MAP4K5: variants seen among roughly 807,000 people sequenced by gnomAD.
The protein encoded by MAP4K5 is mitogen-activated protein kinase kinase kinase kinase 5.
Under a neutral mutation model 135.6 loss-of-function variants are expected in MAP4K5, and 82 were observed. That is an observed-to-expected ratio of 0.60 (90% confidence interval 0.51 to 0.73). The LOEUF (loss-of-function observed/expected upper bound fraction) is 0.73, where lower values mean the gene tolerates loss of function less well. Among genes scored for constraint, MAP4K5 ranks in the 30% least tolerant of loss-of-function variants. MAP4K5 has a pLI of 0.00. For synonymous variants in MAP4K5, 347 were observed against 335.0 expected (o/e 1.04, Z -0.39); for missense variants, 907 against 1,010.9 (o/e 0.90, Z 1.39).
intron 25 of MAP4K5, 132 bp from the exon 26 acceptor site, chr14:50,437,666 C>T (rs2036127165): frequency 1.5e-6 from 1 of 673,286 alleles, no homozygotes. Context: ...CACACTATCT[C>T]ATCTTATAGG....
chr14:50,533,219 T>C (rs1219405599), upstream of MAP4K5: 1 of 152,208 alleles, frequency 6.6e-6, no homozygotes, highest in East Asian at 1.9e-4. Flanking sequence ...ATCGCTGGTA[T>C]TGCACCTTTA....
At chr14:50,428,274 T>G (rs1391884384) in intron 30 of MAP4K5, among the ~76,000 whole-genome samples, 3 of 152,168 alleles carry the variant, frequency 2.0e-5, no homozygotes, top group African/African-American at 7.2e-5. Flanking sequence ...TTCTATCTTT[T>G]TTTTTTTTCT....
chr14:50,445,241 A>G, intron 17 of MAP4K5, 47 bp from the exon 18 acceptor site: 1 of 1,575,100 alleles, frequency 6.3e-7, no homozygotes, highest in South Asian at 1.1e-5. Context: ...ATCATTAGGC[A>G]TCAGAGTCTT....
At chr14:50,448,564 T>C (rs1185801240) in intron 15 of MAP4K5, among the ~76,000 whole-genome samples, 4 of 151,906 alleles carry the variant, frequency 2.6e-5, no homozygotes, top group Non-Finnish European at 4.4e-5. Flanking sequence ...CTAAGGAGGT[T>C]AAAATGAATG....
intron 15 of MAP4K5, among the ~76,000 whole-genome samples, chr14:50,448,031 G>A (rs1280281182): frequency 1.8e-3 from 4 of 2,220 alleles, no homozygotes; most frequent in Admixed American, 0.013. Flanking sequence ...TTTTTGAAAT[G>A]GAGTCTCACA....
intron 21 of MAP4K5, among the ~76,000 whole-genome samples, chr14:50,440,796 C>T (rs1333707955): frequency 1.3e-5 from 2 of 152,060 alleles, no homozygotes; most frequent in African/African-American, 4.8e-5. Context: ...TTATAAATCA[C>T]GACACACTAG....
Position 50,445,210 on chromosome 14 carries a change from CA to C in MAP4K5, c.1186-17del. 1.2e-6 allele frequency: 2 copies of C among 1,604,418 alleles called. No homozygotes were observed. Among genetic ancestry groups the C allele is most frequent in the Non-Finnish European group, 8.5e-7 (1 of 1,176,370 alleles). ...TTATCCTTGGCTAGTGGTACAAAGA[CA>C]AAAAAGTACTTTAACAGTTATCATT... On this transcript the variant is annotated splice_polypyrimidine_tract_variant and intron_variant, in intron 17 of 32. Coordinates refer to ENST00000682126, the MANE Select transcript of MAP4K5 (RefSeq NM_006575.6).
chr14:50,544,750 A>G (rs1174649731), intron 1 of MAP4K5, among the ~76,000 whole-genome samples: 1 of 152,008 alleles, frequency 6.6e-6, no homozygotes, highest in East Asian at 1.9e-4. Flanking sequence ...CCTGGGGAAC[A>G]TAGTGAGAAC....
intron 14 of MAP4K5, among the ~76,000 whole-genome samples, chr14:50,451,285 A>AT (rs747254955): frequency 6.6e-6 from 1 of 152,180 alleles, no homozygotes; most frequent in African/African-American, 2.4e-5. Context: ...GTGTGGATAC[A>AT]TGAAGAAGAG....
At chr14:50,429,789 T>C (rs2035929452) in intron 28 of MAP4K5, among the ~76,000 whole-genome samples, 1 of 152,184 alleles carries the variant, frequency 6.6e-6, no homozygotes, top group Non-Finnish European at 1.5e-5. Context: ...AAGAGGACAC[T>C]GAGTAACATA....
intron 3 of MAP4K5, among the ~76,000 whole-genome samples, chr14:50,500,332 TATG>T (rs1430923472): frequency 1.3e-5 from 2 of 152,120 alleles, no homozygotes; most frequent in Admixed American, 6.6e-5. Context: ...TCTCCGAGGA[TATG>T]ATATTTATTT....
chr14:50,554,243 G>T (rs2038738615), intron 1 of MAP4K5, among the ~76,000 whole-genome samples: 1 of 152,048 alleles, frequency 6.6e-6, no homozygotes, highest in Non-Finnish European at 1.5e-5. Context: ...TATATAACCC[G>T]ATTAAGCTTC....
At chr14:50,445,018 G>A (rs1234351388) in intron 18 of MAP4K5, 23 bp downstream of exon 18, 2 of 1,606,082 alleles carry the variant, frequency 1.2e-6, no homozygotes, top group East Asian at 4.5e-5. Context: ...GTACCCCATG[G>A]CTGCTAATAA....
chr14:50,478,008 A>T (rs1399330615), intron 6 of MAP4K5, among the ~76,000 whole-genome samples: 1 of 152,172 alleles, frequency 6.6e-6, no homozygotes, highest in African/African-American at 2.4e-5. Flanking sequence ...TCAATTTTCT[A>T]GATAGGTATA....
At chr14:50,432,367 C>T (rs1048600466) in intron 28 of MAP4K5, among the ~76,000 whole-genome samples, 4 of 152,012 alleles carry the variant, frequency 2.6e-5, no homozygotes, top group Non-Finnish European at 5.9e-5. Flanking sequence ...TGAAGGTGAC[C>T]TCAATGATTA....
At chr14:50,453,648 T>C (rs2036539391) in intron 14 of MAP4K5, among the ~76,000 whole-genome samples, 1 of 152,148 alleles carries the variant, frequency 6.6e-6, no homozygotes, top group South Asian at 2.1e-4. Flanking sequence ...AATAAAGGCA[T>C]TTCTGAACAC....
chr14:50,438,369 G>A (rs953220442), intron 23 of MAP4K5: 8 of 186,678 alleles, frequency 4.3e-5, no homozygotes, highest in African/African-American at 1.7e-4. Context: ...AATACAAGAT[G>A]GAAAATTCTA....
chr14:50,504,898 C>T, intron 2 of MAP4K5, 41 bp from the exon 3 acceptor site: 1 of 1,311,052 alleles, frequency 7.6e-7, no homozygotes, highest in Non-Finnish European at 1.1e-6. Context: ...TAATTAAAAG[C>T]TTGTTAATTA....
intron 1 of MAP4K5, among the ~76,000 whole-genome samples, chr14:50,549,383 C>T (rs2038674273): frequency 6.6e-6 from 1 of 152,174 alleles, no homozygotes; most frequent in African/African-American, 2.4e-5. Flanking sequence ...ACTGTGAGAC[C>T]TACTCACAGC....
Sources: allele counts gnomAD v4.1 joint callset (sites outside exome capture counted in the v4.1 genomes callset), GRCh38; gene constraint gnomAD v4.1.1; transcripts MANE v1.5; gene names NCBI Gene and HGNC (gene_info 2026-07-23, HGNC 2026-07-21).